ARMCX4: variants seen among roughly 807,000 people sequenced by gnomAD.
ARMCX4 encodes the protein armadillo repeat-containing X-linked protein 4.
In ARMCX4, 3 loss-of-function variants were observed where a neutral mutation model predicts 34.7. The observed-to-expected ratio is 0.09, with a 90% confidence interval of 0.04 to 0.22. The LOEUF (loss-of-function observed/expected upper bound fraction) is 0.22, where lower values mean the gene tolerates loss of function less well. Among genes scored for constraint, ARMCX4 ranks in the 10% least tolerant of loss-of-function variants. The probability of loss-of-function intolerance (pLI) is 1.00; values close to 1 mark genes in which losing one functional copy is unlikely to be tolerated. For synonymous variants in ARMCX4, 513 were observed against 632.8 expected (o/e 0.81, Z 2.84); for missense variants, 1,448 against 1,720.8 (o/e 0.84, Z 2.81).
At chrX:101,497,008 A>G (rs782485733), downstream of ARMCX4, among the ~76,000 whole-genome samples, 36 of 112,152 alleles carry the variant, frequency 3.2e-4, no homozygotes, top group Non-Finnish European at 6.6e-4. Flanking sequence ...ATGTCTACAC[A>G]TTTAAATATT....
chrX:101,451,614 G>A (rs1931995140), downstream of ARMCX4, among the ~76,000 whole-genome samples: 1 of 111,436 alleles, frequency 9.0e-6, no homozygotes. Flanking sequence ...TTGGGGAGAT[G>A]ATCAGTGGAG....
At chrX:101,508,294 G>A (rs189538966) in intron 8 of ARMCX4, among the ~76,000 whole-genome samples, 326 of 112,296 alleles carry the variant, frequency 2.9e-3, no homozygotes, top group African/African-American at 9.0e-3. Flanking sequence ...AATTCCACAG[G>A]TTGGGTGGAT....
intron 4 of ARMCX4, among the ~76,000 whole-genome samples, chrX:101,469,694 G>A (rs371902331): frequency 1.8e-5 from 2 of 111,279 alleles, no homozygotes; most frequent in African/African-American, 3.3e-5. Context: ...TCATCATCCC[G>A]AAAGGTCCTT....
At chrX:101,480,123 GACACACACACACACACACACAC>G (rs57237822) in intron 4 of ARMCX4, among the ~76,000 whole-genome samples, 5 of 76,700 alleles carry the variant, frequency 6.5e-5, no homozygotes, top group East Asian at 4.8e-4. Flanking sequence ...AGGATTTGGA[GACACACACACACACACACACAC>G]ACACACACAC....
chrX:101,494,958 C>T lies in ARMCX4; in HGVS notation c.6369C>T (p.Tyr2123=), dbSNP rs1187842136. The part of the protein sequence containing the change: ...AAENHRKVKT[Y]LNQVCEDTVT... ...AAAACCATAGGAAGGTTAAAACTTA[C>T]TTAAACCAAGTATGTGAAGACACTG... The change falls in exon 6 of 6, where the codon TAC becomes TAT. Residue 2123 remains tyrosine (Y), a synonymous_variant. Transcript: ENST00000423738. 2.6e-6 allele frequency: 3 copies of T among 1,153,174 alleles called. No individual in the cohort carries two copies. Among genetic ancestry groups the T allele is most frequent in the South Asian group, 3.8e-5 (2 of 52,529 alleles).
intron 2 of ARMCX4, among the ~76,000 whole-genome samples, chrX:101,438,678 C>T (rs191329501): frequency 1.3e-3 from 148 of 111,559 alleles, no homozygotes; most frequent in African/African-American, 3.9e-3. Context: ...TATATATTTA[C>T]GATAGTTAGC....
chrX:101,431,168 T>G (rs1929972552), intron 2 of ARMCX4, among the ~76,000 whole-genome samples: 1 of 111,611 alleles, frequency 9.0e-6, no homozygotes. Flanking sequence ...TGGCACATTT[T>G]TATTTCCTCC....
chrX:101,527,164 C>T (rs1311498381), intron 11 of ARMCX4, among the ~76,000 whole-genome samples: 17 of 112,176 alleles, frequency 1.5e-4, no homozygotes, highest in African/African-American at 5.5e-4. Flanking sequence ...AACTAGAACT[C>T]AGGATTAAGA....
rs781816593 is a variant in ARMCX4, at chrX:101,531,966, A to G, written c.*2103A>G. The G allele has an allele frequency of 2.7e-5, 3 of 112,523 alleles. No individual in the cohort carries two copies. The South Asian group carries it at 1.1e-3, about 41-fold the overall frequency. 9.3% of individuals were successfully genotyped at this position (112,523 alleles called of 1,213,427 possible). On this transcript the variant is annotated 3_prime_UTR_variant and NMD_transcript_variant, in exon 12 of 13. Coordinates refer to the ARMCX4 transcript ENST00000354842. ...CTTCCAGAATGCCTTAATCATCATCAGAGTATCCTACACAAAGTTGTCTCT... is the reference window on the plus strand; with the variant it reads ...CTTCCAGAATGCCTTAATCATCATCGGAGTATCCTACACAAAGTTGTCTCT...
chrX:101,478,243 GAAAATC>G (rs1487205406), intron 4 of ARMCX4, among the ~76,000 whole-genome samples: 15 of 112,067 alleles, frequency 1.3e-4, no homozygotes, highest in Non-Finnish European at 2.8e-4. Context: ...GAAAATCAGA[GAAAATC>G]AACTGACAAA....
At chrX:101,477,752 A>G (rs1275107836) in intron 4 of ARMCX4, among the ~76,000 whole-genome samples, 2 of 111,508 alleles carry the variant, frequency 1.8e-5, no homozygotes, top group African/African-American at 6.5e-5. Context: ...ATGTAAAACC[A>G]GATATTAGCA....
At chrX:101,497,485 C>T (rs368126183), downstream of ARMCX4, among the ~76,000 whole-genome samples, 4 of 111,060 alleles carry the variant, frequency 3.6e-5, no homozygotes, top group African/African-American at 6.5e-5. Context: ...GTGATCTGCC[C>T]GCCTCGGCCT....
At chrX:101,528,687 T>C (rs1935042377) in intron 11 of ARMCX4, among the ~76,000 whole-genome samples, 1 of 110,726 alleles carries the variant, frequency 9.0e-6, no homozygotes, top group Admixed American at 9.7e-5. Flanking sequence ...TATACACCAA[T>C]AACAGACAAA....
chrX:101,440,155 G>T (rs1263419855), intron 2 of ARMCX4, among the ~76,000 whole-genome samples: 16 of 111,257 alleles, frequency 1.4e-4, no homozygotes, highest in Non-Finnish European at 2.3e-4. Flanking sequence ...ATGGCGTTTT[G>T]GTGTGTATGT....
chrX:101,454,283 T>A (rs868991850), intron 4 of ARMCX4, among the ~76,000 whole-genome samples: 40 of 107,131 alleles, frequency 3.7e-4, no homozygotes, highest in Non-Finnish European at 7.1e-4. Context: ...TTTTTTTTTT[T>A]ATTTTTTTTT....
At chrX:101,443,443 G>A (rs944325147) in intron 2 of ARMCX4, among the ~76,000 whole-genome samples, 1 of 112,064 alleles carries the variant, frequency 8.9e-6, no homozygotes, top group Non-Finnish European at 1.9e-5. Context: ...CCAGAACTAT[G>A]AGAAATAAGT....
In ARMCX4 at chrX:101,443,392, C is replaced by T. The variant is rs1443294663; in HGVS notation, n.165-660C>T. 2.7e-4 allele frequency among the ~76,000 whole-genome samples: 30 copies of T among 111,763 alleles called. 1 individual carries two copies. Among genetic ancestry groups the T allele is most frequent in the African/African-American group, 1.3e-4 (4 of 30,861 alleles). ...GAAGCAGAGGGCGGCCCTCATCAGA[C>T]GCCAATCCTACCAGCACCATGATTT... On this transcript the variant is annotated intron_variant and non_coding_transcript_variant, in intron 2 of 3. Transcript: ENST00000430461.
chrX:101,523,017 G>A (rs1398022313), intron 11 of ARMCX4, among the ~76,000 whole-genome samples: 1 of 111,772 alleles, frequency 8.9e-6, no homozygotes, highest in East Asian at 2.8e-4. Context: ...CATACAATTC[G>A]GGGAGTTAGG....
At chrX:101,478,375 CT>C (rs1556004812) in intron 4 of ARMCX4, among the ~76,000 whole-genome samples, 1 of 111,863 alleles carries the variant, frequency 8.9e-6, no homozygotes, top group Admixed American at 9.6e-5. Context: ...TAAGAAGCTT[CT>C]ATGTTAGAAT....
Sources: gnomAD v4.1 joint callset for allele counts (sites outside exome capture counted in the v4.1 genomes callset) on GRCh38, gnomAD v4.1.1 for gene constraint, MANE v1.5 for transcripts, NCBI Gene and HGNC (gene_info 2026-07-23, HGNC 2026-07-21) for gene names.